Variants in MYO5B observed in about 807,000 individuals in gnomAD.
The protein encoded by MYO5B is unconventional myosin-Vb.
MYO5B carries 143 observed loss-of-function variants against 229.3 expected under a neutral mutation model. That is an observed-to-expected ratio of 0.62 (90% confidence interval 0.54 to 0.72). MYO5B has a LOEUF of 0.72. Among genes scored for constraint, MYO5B ranks in the 30% least tolerant of loss-of-function variants. MYO5B has a pLI of 0.00. For missense variants in MYO5B, 2,321 were observed against 2,331.0 expected (o/e 1.00, Z 0.09); for synonymous variants, 918 against 885.2 (o/e 1.04, Z -0.66).
intron 21 of MYO5B, among the ~76,000 whole-genome samples, chr18:49,899,988 G>T (rs576804937): frequency 4.6e-4 from 70 of 152,084 alleles, no homozygotes; most frequent in African/African-American, 1.7e-3. Context: ...CACGTGGATT[G>T]TAAAATGCTA....
intron 5 of MYO5B, 79 bp downstream of exon 5, chr18:50,001,176 C>G: frequency 6.3e-7 from 1 of 1,586,568 alleles, no homozygotes; most frequent in Admixed American, 1.7e-5. Context: ...AGGCTGCCAC[C>G]CAGGCTTGAC....
chr18:49,900,610 T>C (rs558020151), intron 21 of MYO5B, among the ~76,000 whole-genome samples: 1 of 152,354 alleles, frequency 6.6e-6, no homozygotes, highest in Non-Finnish European at 1.5e-5. Flanking sequence ...CCTGCCCTAC[T>C]GGGTCATGAG....
chr18:49,891,736 G>A (rs551538499), intron 22 of MYO5B, among the ~76,000 whole-genome samples: 1 of 152,194 alleles, frequency 6.6e-6, no homozygotes, highest in Non-Finnish European at 1.5e-5. Context: ...TCTGCTATGA[G>A]AGCCCCCATT....
At chr18:49,986,801 C>T (rs1033565674) in intron 7 of MYO5B, among the ~76,000 whole-genome samples, 6 of 152,190 alleles carry the variant, frequency 3.9e-5, no homozygotes, top group Admixed American at 1.3e-4. Flanking sequence ...ATATTATTTA[C>T]TCCCATTTTT....
chr18:49,915,474 A>G (rs1366995360), intron 17 of MYO5B, among the ~76,000 whole-genome samples: 1 of 152,228 alleles, frequency 6.6e-6, no homozygotes, highest in Non-Finnish European at 1.5e-5. Context: ...TCCCTTCAGA[A>G]GGAAGGGCGC....
intron 3 of MYO5B, among the ~76,000 whole-genome samples, chr18:50,039,401 G>A (rs1328379974): frequency 6.6e-6 from 1 of 151,958 alleles, no homozygotes; most frequent in Non-Finnish European, 1.5e-5. Context: ...GCGCGATCTC[G>A]GCTCACTGCA....
chr18:49,922,803 T>C (rs2025088686), intron 17 of MYO5B, among the ~76,000 whole-genome samples: 1 of 152,050 alleles, frequency 6.6e-6, no homozygotes, highest in Admixed American at 6.6e-5. Context: ...CAAATACACA[T>C]GTAAGTATCT....
chr18:50,180,974 C>G (rs1320980248), intron 1 of MYO5B, among the ~76,000 whole-genome samples: 1 of 151,972 alleles, frequency 6.6e-6, no homozygotes, highest in African/African-American at 2.4e-5. Flanking sequence ...TAATGCTGCT[C>G]CACCTCCTTA....
intron 1 of MYO5B, among the ~76,000 whole-genome samples, chr18:50,185,140 G>A (rs2033129952): frequency 6.6e-6 from 1 of 151,956 alleles, no homozygotes; most frequent in Non-Finnish European, 1.5e-5. Flanking sequence ...AATAATGCCA[G>A]TTAATACAAA....
intron 12 of MYO5B, among the ~76,000 whole-genome samples, chr18:49,960,812 C>T (rs1158092784): frequency 6.6e-6 from 1 of 152,200 alleles, no homozygotes; most frequent in Non-Finnish European, 1.5e-5. Context: ...CCAGGCTTTC[C>T]ACAAACCTGT....
chr18:49,851,156 A>G (rs1383115988), intron 31 of MYO5B: 1 of 152,236 alleles, frequency 6.6e-6, no homozygotes, highest in Non-Finnish European at 1.5e-5. Context: ...TTCAAGAAGG[A>G]AAGATTAATC....
chr18:50,144,821 C>A (rs948173766), intron 1 of MYO5B, among the ~76,000 whole-genome samples: 1 of 152,200 alleles, frequency 6.6e-6, no homozygotes, highest in African/African-American at 2.4e-5. Flanking sequence ...TCATCCACAT[C>A]TTCCAGGCCC....
At chr18:49,878,056 A>G (rs563485780) in intron 24 of MYO5B, among the ~76,000 whole-genome samples, 174 bp from the exon 25 acceptor site, 98 of 152,292 alleles carry the variant, frequency 6.4e-4, no homozygotes, top group African/African-American at 2.3e-3. Context: ...CATTTCACCT[A>G]CAGTTCTTAC....
At chr18:49,997,375 T>C (rs1343866984) in intron 5 of MYO5B, among the ~76,000 whole-genome samples, 3 of 119,678 alleles carry the variant, frequency 2.5e-5, no homozygotes, top group South Asian at 2.8e-4. Context: ...CTTTCTTTTT[T>C]TTTTTTTTTT....
At chr18:50,127,710 A>T (rs539156048) in intron 1 of MYO5B, among the ~76,000 whole-genome samples, 9 of 152,284 alleles carry the variant, frequency 5.9e-5, no homozygotes, top group African/African-American at 2.2e-4. Flanking sequence ...GTGTCAACTT[A>T]TGTGGCCACT....
intron 1 of MYO5B, among the ~76,000 whole-genome samples, chr18:50,175,811 T>G (rs796455095): frequency 9.8e-4 from 149 of 152,358 alleles, no homozygotes; most frequent in African/African-American, 3.4e-3. Context: ...AGACCTCACT[T>G]CTGCACAGGC....
chr18:50,118,967 A>G (rs904056128), intron 1 of MYO5B, among the ~76,000 whole-genome samples: 5 of 152,120 alleles, frequency 3.3e-5, no homozygotes, highest in African/African-American at 7.2e-5. Flanking sequence ...TCAACTATCA[A>G]CCTTCCTGGG....
chr18:50,156,585 A>T (rs1295660733), intron 1 of MYO5B, among the ~76,000 whole-genome samples: 1 of 151,982 alleles, frequency 6.6e-6, no homozygotes, highest in African/African-American at 2.4e-5. Flanking sequence ...TCAATTAAAA[A>T]ACCTCTTTCC....
chr18:49,903,332 C>T (rs111775868), intron 20 of MYO5B, among the ~76,000 whole-genome samples: 59 of 152,120 alleles, frequency 3.9e-4, no homozygotes, highest in African/African-American at 7.7e-4. Context: ...TCAGTGTGCT[C>T]GCCCTAATAC....
Sources: gnomAD v4.1 joint callset for allele counts (sites outside exome capture counted in the v4.1 genomes callset) on GRCh38, gnomAD v4.1.1 for gene constraint, MANE v1.5 for transcripts, NCBI Gene and HGNC (gene_info 2026-07-23, HGNC 2026-07-21) for gene names.